LTBP1: variants seen among roughly 807,000 people sequenced by gnomAD.
LTBP1 encodes latent transforming growth factor beta binding protein 1.
A neutral mutation model predicts 207.6 loss-of-function variants in LTBP1; 129 were observed. The ratio of observed to expected loss-of-function variants is 0.62; its 90% CI spans 0.54 to 0.72. The LOEUF (loss-of-function observed/expected upper bound fraction) is 0.72. Ranked by LOEUF, LTBP1 falls within the 30% of genes least tolerant of loss-of-function variation. The pLI is 0.00. For missense variants in LTBP1, 2,281 were observed against 2,217.2 expected, an observed-to-expected ratio of 1.03 and a Z score of -0.58; for synonymous variants, 963 against 833.7, an observed-to-expected ratio of 1.16 and a Z score of -2.67.
intron 31 of LTBP1, 31 bp downstream of exon 31, chr2:33,365,534 G>A (rs1480605047): frequency 6.3e-7 from 1 of 1,599,428 alleles, no homozygotes; most frequent in Non-Finnish European, 8.5e-7. Flanking sequence ...TTCTGCAGGA[G>A]GCCTTTGGGG....
chr2:33,015,654 A>C (rs911532129), intron 2 of LTBP1, among the ~76,000 whole-genome samples: 1 of 152,182 alleles, frequency 6.6e-6, no homozygotes, highest in Non-Finnish European at 1.5e-5. Context: ...TCTGTTAGTC[A>C]CTTCTCACAC....
chr2:33,039,513 A>G (rs1331547730), intron 3 of LTBP1, among the ~76,000 whole-genome samples: 3 of 152,172 alleles, frequency 2.0e-5, no homozygotes. Flanking sequence ...TGCAGTGGCC[A>G]CCTGTAACTT....
intron 31 of LTBP1, among the ~76,000 whole-genome samples, chr2:33,378,179 A>ATGTGTGTGTGTG (rs2095165627): frequency 8.5e-6 from 1 of 118,192 alleles, no homozygotes; most frequent in Non-Finnish European, 1.8e-5. Flanking sequence ...TTTCATATAT[A>ATGTGTGTGTGTG]TATATATGTG....
In LTBP1 at chr2:33,275,105, C is replaced by A; in HGVS notation, c.2869+15C>A. ...TAACTGCATAGGTAATGGCAGCATT[C>A]TTCCTGCTTACAAATTCTTAGATCT... On this transcript the variant is annotated intron_variant, in intron 17 of 33. Coordinates refer to ENST00000404816, the MANE Select transcript of LTBP1 (RefSeq NM_206943.4). The A allele has an allele frequency of 6.2e-7, 1 of 1,613,096 alleles. No homozygotes were observed. Among genetic ancestry groups the A allele is most frequent in the Non-Finnish European group, 8.5e-7 (1 of 1,179,372 alleles).
intron 3 of LTBP1, among the ~76,000 whole-genome samples, chr2:33,098,512 A>C (rs377356297): frequency 6.6e-6 from 1 of 151,944 alleles, no homozygotes; most frequent in African/African-American, 2.4e-5. Flanking sequence ...GGCTCACTGC[A>C]ACTTCTGCCT....
intron 2 of LTBP1, among the ~76,000 whole-genome samples, chr2:33,007,354 C>T (rs998994984): frequency 6.6e-6 from 1 of 152,190 alleles, no homozygotes; most frequent in African/African-American, 2.4e-5. Flanking sequence ...GCTGTTCCAT[C>T]CTTAGTCACA....
chr2:33,356,707 C>T (rs541266084), intron 26 of LTBP1, among the ~76,000 whole-genome samples: 1 of 152,132 alleles, frequency 6.6e-6, no homozygotes, highest in Non-Finnish European at 1.5e-5. Flanking sequence ...TGAGAAAACT[C>T]GAAACAAGGC....
intron 3 of LTBP1, among the ~76,000 whole-genome samples, chr2:33,071,368 T>A (rs1425666684): frequency 3.3e-5 from 5 of 152,240 alleles, no homozygotes; most frequent in Non-Finnish European, 7.3e-5. Flanking sequence ...TCAGAAGTGA[T>A]GTCCCATCAT....
At chr2:33,100,438 A>G (rs11903901) in intron 3 of LTBP1, among the ~76,000 whole-genome samples, 18,838 of 151,714 alleles carry the variant, frequency 0.12, 1,363 homozygotes, top group African/African-American at 0.2. Flanking sequence ...GGGGCAAGAA[A>G]CCCAGCTTCT....
At chr2:33,085,902 A>T (rs2078727359) in intron 3 of LTBP1, among the ~76,000 whole-genome samples, 1 of 152,154 alleles carries the variant, frequency 6.6e-6, no homozygotes, top group African/African-American at 2.4e-5. Flanking sequence ...TTACAGGAAG[A>T]AGTCTGGTCT....
At chr2:33,305,718 C>T (rs1454886074) in intron 22 of LTBP1, among the ~76,000 whole-genome samples, 2 of 152,044 alleles carry the variant, frequency 1.3e-5, no homozygotes, top group Admixed American at 6.6e-5. Flanking sequence ...AGATAAATCC[C>T]GGGCCCTCCA....
chr2:32,965,516 T>C (rs1679833663), intron 2 of LTBP1, among the ~76,000 whole-genome samples: 1 of 152,184 alleles, frequency 6.6e-6, no homozygotes, highest in African/African-American at 2.4e-5. Flanking sequence ...CAACCACTGA[T>C]CCTTTTACTG....
chr2:33,258,134 G>A (rs2092912795), intron 12 of LTBP1, among the ~76,000 whole-genome samples: 2 of 152,190 alleles, frequency 1.3e-5, no homozygotes. Flanking sequence ...TTATACTTGA[G>A]AGGGAGTCTA....
intron 24 of LTBP1, among the ~76,000 whole-genome samples, chr2:33,321,300 A>T (rs1165158640): frequency 6.6e-6 from 1 of 152,244 alleles, no homozygotes; most frequent in Non-Finnish European, 1.5e-5. Context: ...TTAGGTATTT[A>T]CTATAAATCA....
rs535790764 is a variant in LTBP1, at chr2:33,271,297, T to TG, written c.2618-2359_2618-2358insG. On this transcript the variant is annotated intron_variant, in intron 15 of 33. Coordinates refer to ENST00000404816, the MANE Select transcript of LTBP1 (RefSeq NM_206943.4). ...GCCCTGAATATATTAATTCACCTTC[T>TG]AATTTTTTTTTTTGCAAATATGGTC... 6.6e-3 allele frequency among the ~76,000 whole-genome samples: 865 copies of TG among 130,544 alleles called. 11 individuals carry two copies. The highest frequency in any genetic ancestry group is 0.023 in the African/African-American group (828 of 35,620). The allele number at this position is 130,544 out of a possible 152,430, so 85.6% of individuals were successfully genotyped here. A position where few individuals can be genotyped will look rare whatever the true frequency, so the allele number is the denominator to read the frequency against.
intron 3 of LTBP1, among the ~76,000 whole-genome samples, chr2:33,077,674 G>T (rs2078159006): frequency 6.6e-6 from 1 of 152,164 alleles, no homozygotes; most frequent in South Asian, 2.1e-4. Context: ...CAATATTGGG[G>T]ATTATAATTC....
chr2:33,188,952 G>T (rs748119416), intron 7 of LTBP1, 101 bp downstream of exon 7: 7 of 1,371,068 alleles, frequency 5.1e-6, no homozygotes, highest in African/African-American at 1.5e-5. Context: ...TAAAAAAAAG[G>T]CTTTGACAAA....
At chr2:33,031,247 C>A (rs574178945) in intron 3 of LTBP1, among the ~76,000 whole-genome samples, 2 of 152,286 alleles carry the variant, frequency 1.3e-5, no homozygotes, top group African/African-American at 2.4e-5. Flanking sequence ...TATTGACTTA[C>A]ACAGACATAA....
At chr2:33,226,847 G>A (rs1016604323) in intron 9 of LTBP1, among the ~76,000 whole-genome samples, 2 of 152,114 alleles carry the variant, frequency 1.3e-5, no homozygotes, top group Admixed American at 6.5e-5. Flanking sequence ...GATTAGCAGG[G>A]TCATGATTAG....
Sources: gnomAD v4.1 joint callset for allele counts (sites outside exome capture counted in the v4.1 genomes callset) on GRCh38, gnomAD v4.1.1 for gene constraint, MANE v1.5 for transcripts, NCBI Gene and HGNC (gene_info 2026-07-23, HGNC 2026-07-21) for gene names.